Variants in LINGO2 observed in about 807,000 individuals in gnomAD.
LINGO2 encodes leucine rich repeat and Ig domain containing 2, also known as leucine-rich repeat and immunoglobulin-like domain-containing nogo receptor-interacting protein 2.
In LINGO2, 14 loss-of-function variants were observed where a neutral mutation model predicts 30.6. The ratio of observed to expected loss-of-function variants is 0.46; its 90% confidence interval spans 0.30 to 0.72. The LOEUF (loss-of-function observed/expected upper bound fraction) is 0.72, where lower values mean the gene tolerates loss of function less well. LINGO2 is among the 30% of genes least tolerant of loss of function. The pLI, the probability that LINGO2 is intolerant of heterozygous loss-of-function variation, is 0.07. For synonymous variants in LINGO2, 317 were observed against 288.5 expected (o/e 1.10, Z -1.00); for missense variants, 729 against 751.7 (o/e 0.97, Z 0.35).
the LINGO2 span, among the ~76,000 whole-genome samples, chr9:28,962,969 G>T: frequency 6.6e-6 from 1 of 151,744 alleles, no homozygotes; most frequent in African/African-American, 2.4e-5. Flanking sequence ...TATCCTTGAA[G>T]GTTTACTTTC....
chr9:28,811,278 A>T, the LINGO2 span, among the ~76,000 whole-genome samples: 1 of 152,048 alleles, frequency 6.6e-6, no homozygotes, highest in African/African-American at 2.4e-5. Context: ...CTATTACATG[A>T]CCACCACCCT....
the LINGO2 span, among the ~76,000 whole-genome samples, chr9:28,898,689 A>G: frequency 6.6e-6 from 1 of 152,058 alleles, no homozygotes; most frequent in Non-Finnish European, 1.5e-5. Flanking sequence ...TTATTTTTTG[A>G]CTTCCCGAAA....
the LINGO2 span, among the ~76,000 whole-genome samples, chr9:28,710,995 A>G: frequency 2.0e-5 from 3 of 152,062 alleles, no homozygotes; most frequent in Non-Finnish European, 2.9e-5. Context: ...GGCTCTGCAG[A>G]CAGACAGATC....
At chr9:28,701,456 G>A in the LINGO2 span, among the ~76,000 whole-genome samples, 1 of 151,922 alleles carries the variant, frequency 6.6e-6, no homozygotes, top group Non-Finnish European at 1.5e-5. Flanking sequence ...TAAAAGATCA[G>A]TTGACTATAT....
At chr9:29,055,877 C>T in the LINGO2 span, among the ~76,000 whole-genome samples, 172 of 137,564 alleles carry the variant, frequency 1.3e-3, 1 homozygote, top group Non-Finnish European at 2.1e-3. Flanking sequence ...ATCCAGGTTG[C>T]GGCAAATCCC....
intron 3 of LINGO2, among the ~76,000 whole-genome samples, chr9:28,348,979 C>T (rs1819725979): frequency 6.7e-6 from 1 of 150,298 alleles, no homozygotes; most frequent in South Asian, 2.1e-4. Context: ...AAAGGACATC[C>T]ACACCAAAAA....
At chr9:28,236,962 T>C (rs895094468) in intron 4 of LINGO2, among the ~76,000 whole-genome samples, 1 of 152,166 alleles carries the variant, frequency 6.6e-6, no homozygotes, top group African/African-American at 2.4e-5. Context: ...ATGTGATTAT[T>C]ATGCATTGCA....
intron 4 of LINGO2, among the ~76,000 whole-genome samples, chr9:28,071,985 G>C (rs1253991397): frequency 6.6e-6 from 1 of 152,108 alleles, no homozygotes; most frequent in Non-Finnish European, 1.5e-5. Flanking sequence ...ATGTACATAT[G>C]ATCGTCTGGT....
the LINGO2 span, among the ~76,000 whole-genome samples, chr9:28,859,194 A>G: frequency 6.6e-6 from 1 of 152,182 alleles, no homozygotes; most frequent in African/African-American, 2.4e-5. Context: ...ACAGTTTGCT[A>G]TATTATTTTC....
intron 3 of LINGO2, among the ~76,000 whole-genome samples, chr9:28,307,973 A>T (rs941105251): frequency 4.6e-5 from 7 of 151,970 alleles, no homozygotes; most frequent in Non-Finnish European, 2.9e-5. Context: ...CATGGGTAGG[A>T]AGAATCAATA....
intron 3 of LINGO2, among the ~76,000 whole-genome samples, chr9:28,318,654 T>C (rs562155062): frequency 1.3e-5 from 2 of 152,344 alleles, no homozygotes; most frequent in East Asian, 3.9e-4. Context: ...TGTTGTATTG[T>C]CTATTGACAA....
the LINGO2 span, among the ~76,000 whole-genome samples, chr9:28,958,662 T>A: frequency 6.6e-6 from 1 of 151,790 alleles, no homozygotes; most frequent in Non-Finnish European, 1.5e-5. Flanking sequence ...TTTAGGCAGG[T>A]TAAACTGCTG....
At chr9:28,106,154 A>G (rs1469254859) in intron 4 of LINGO2, among the ~76,000 whole-genome samples, 1 of 151,740 alleles carries the variant, frequency 6.6e-6, no homozygotes, top group Non-Finnish European at 1.5e-5. Context: ...TTCTGAAAAC[A>G]CCCCCTTACC....
At chr9:28,523,771 AAAG>A (rs1365474097) in intron 1 of LINGO2, among the ~76,000 whole-genome samples, 1 of 152,212 alleles carries the variant, frequency 6.6e-6, no homozygotes, top group East Asian at 1.9e-4. Flanking sequence ...GAAAGAAATT[AAAG>A]AAGATCTAAA....
At chr9:27,948,061 G>A (rs1195095855), downstream of LINGO2, 1 of 152,178 alleles carries the variant, frequency 6.6e-6, no homozygotes, top group Non-Finnish European at 1.5e-5. Context: ...ATTATTACAA[G>A]TATAAAAAAT....
intron 2 of LINGO2, among the ~76,000 whole-genome samples, chr9:28,432,984 C>T (rs1823738934): frequency 6.6e-6 from 1 of 151,778 alleles, no homozygotes; most frequent in South Asian, 2.1e-4. Context: ...AGTAGTAAGA[C>T]AACAAGAATA....
intron 5 of LINGO2, among the ~76,000 whole-genome samples, chr9:27,999,276 T>A (rs1356439174): frequency 6.6e-6 from 1 of 151,962 alleles, no homozygotes. Context: ...TCAGAAAGCA[T>A]CAACCACAAA....
rs181528778 is a variant in LINGO2 at position 28,144,999 on chromosome 9, T to A, written c.-86-132594A>T. Among the ~76,000 whole-genome samples, 39 of 152,272 alleles carry A rather than the reference T, an allele frequency of 2.6e-4. No individual in the cohort carries two copies. In the East Asian group the frequency reaches 6.4e-3, roughly 25 times the overall value. On this transcript the variant is annotated intron_variant, in intron 4 of 5. Coordinates refer to ENST00000379992, the Ensembl canonical transcript of LINGO2. ...CCAGTATTAAATCCTCTGAAAGAAA[T>A]GAATGCAATAGAGGCAGGAATGTGC...
chr9:28,458,186 G>A (rs1182808086), intron 2 of LINGO2, among the ~76,000 whole-genome samples: 1 of 152,128 alleles, frequency 6.6e-6, no homozygotes, highest in Non-Finnish European at 1.5e-5. Flanking sequence ...TATGTCTCAG[G>A]AGCATGCAAA....
Sources: allele counts gnomAD v4.1 joint callset (sites outside exome capture counted in the v4.1 genomes callset), GRCh38; gene constraint gnomAD v4.1.1; transcripts MANE v1.5; gene names NCBI Gene and HGNC (gene_info 2026-07-23, HGNC 2026-07-21).